The following ADAM7 variants were observed in gnomAD, a reference collection of about 807,000 sequenced individuals.
The protein encoded by ADAM7 is ADAM metallopeptidase domain 7.
Under a neutral mutation model 102.9 loss-of-function variants are expected in ADAM7, and 97 were observed. The observed-to-expected ratio is 0.94, with a 90% CI of 0.80 to 1.12. ADAM7 has a LOEUF of 1.12. Among genes scored for constraint, ADAM7 ranks in the 50% most tolerant of loss-of-function variants. The pLI is 0.00. For missense variants in ADAM7, 991 were observed against 908.7 expected (o/e 1.09, Z -1.16); for synonymous variants, 334 against 304.4 (o/e 1.10, Z -1.01).
intron 13 of ADAM7, among the ~76,000 whole-genome samples, chr8:24,491,465 T>C (rs1820350715): frequency 6.6e-6 from 1 of 152,204 alleles, no homozygotes; most frequent in Non-Finnish European, 1.5e-5. Flanking sequence ...CAGTTCCCTC[T>C]AGCAGTGAAA....
At chr8:24,471,209 C>A (rs746694073) in intron 7 of ADAM7, among the ~76,000 whole-genome samples, 1 of 151,804 alleles carries the variant, frequency 6.6e-6, no homozygotes, top group Non-Finnish European at 1.5e-5. Context: ...CTAAAAAAAT[C>A]AAAAGTTTAA....
At chr8:24,466,764 G>T in intron 5 of ADAM7, 35 bp from the exon 6 acceptor site, 1 of 1,578,558 alleles carries the variant, frequency 6.3e-7, no homozygotes, top group Non-Finnish European at 8.7e-7. Flanking sequence ...GTAATTATAG[G>T]CCTTGAATAC....
intron 21 of ADAM7, 133 bp downstream of exon 21, chr8:24,507,668 AT>A (rs11307556): frequency 0.51 from 273,235 of 538,956 alleles, 34,751 homozygotes; most frequent in African/African-American, 0.64. Flanking sequence ...GAAGGTTAGA[AT>A]TTTTTTTTTT....
At chr8:24,457,871 T>A (rs73223143) in intron 3 of ADAM7, among the ~76,000 whole-genome samples, 1 of 139,016 alleles carries the variant, frequency 7.2e-6, no homozygotes, top group Non-Finnish European at 1.6e-5. Flanking sequence ...TGAGTGTGTG[T>A]GTGTGTGTGT....
chr8:24,493,761 A>G (rs187373730), intron 16 of ADAM7, among the ~76,000 whole-genome samples: 22 of 152,346 alleles, frequency 1.4e-4, no homozygotes, highest in Admixed American at 1.3e-3. Context: ...ATCTTAAATG[A>G]GTAACATTTC....
At position 24,507,491 on chromosome 8, in the gene ADAM7, T is replaced by C. The variant is rs1204262577; in HGVS notation, c.2220T>C (p.Ser740=). 2 of 1,612,476 alleles carry C rather than the reference T, an allele frequency of 1.2e-6. No individual in the cohort carries two copies. The highest frequency in any genetic ancestry group is 1.7e-5 in the Admixed American group (1 of 59,918). Reference sequence around the variant, plus strand: ...TTTATTTATTATAGAAACCTGCAAGTAAAGATTCAAGAGGAATCGCAGATC... The same window carrying C: ...TTTATTTATTATAGAAACCTGCAAGCAAAGATTCAAGAGGAATCGCAGATC... ...PEIHFLNKPA[S]KDSRGIADPN... Residue 740 remains serine (S), a synonymous_variant, in exon 21 of 22, where the codon AGT becomes AGC. Transcript: ENST00000175238.
intron 20 of ADAM7, among the ~76,000 whole-genome samples, chr8:24,503,658 A>C (rs900641246): frequency 7.9e-5 from 12 of 152,206 alleles, no homozygotes; most frequent in Non-Finnish European, 1.8e-4. Flanking sequence ...TGGATAAAGA[A>C]AATGTGGCAT....
chr8:24,448,657 T>TTTATTATTATTA lies in ADAM7; in HGVS notation c.233+1412_233+1423dup, dbSNP rs35847061. Among the ~76,000 whole-genome samples the TTTATTATTATTA allele has an allele frequency of 2.2e-4, 32 of 148,784 alleles. 1 individual carries two copies. The highest frequency in any genetic ancestry group is 1.2e-3 in the Admixed American group (18 of 14,904). On this transcript the variant is annotated intron_variant, in intron 3 of 21. Coordinates refer to ENST00000175238, the MANE Select transcript of ADAM7 (RefSeq NM_003817.4). ...TCCCCTCTAAGTTTCATTCAGCTTG[T>TTTATTATTATTA]TTATTATTATTATTATTATTATTAT...
chr8:24,452,706 G>T (rs1585857244), intron 3 of ADAM7, among the ~76,000 whole-genome samples: 3 of 151,314 alleles, frequency 2.0e-5, no homozygotes, highest in Non-Finnish European at 2.9e-5. Flanking sequence ...ATGTTAGCTG[G>T]TTATTTTGCT....
intron 13 of ADAM7, 130 bp downstream of exon 13, chr8:24,491,018 C>A (rs1820329866): frequency 1.2e-6 from 1 of 849,270 alleles, no homozygotes. Flanking sequence ...AAGTACCCAA[C>A]AGAGATTCTT....
In ADAM7 at chr8:24,444,679, C is replaced by T. The variant is rs547353192; in HGVS notation, c.156+2103C>T. 2.1e-4 allele frequency among the ~76,000 whole-genome samples: 32 copies of T among 150,438 alleles called. No homozygotes were observed. In the East Asian group the frequency reaches 3.5e-3, roughly 16 times the overall value. On this transcript the variant is annotated intron_variant, in intron 2 of 21. Coordinates refer to ENST00000175238, the MANE Select transcript of ADAM7 (RefSeq NM_003817.4). ...AGATACTCCCCATAAAGGTCCAGAT[C>T]GTAAAAAAAAAAACACAAAAAAACG...
At chr8:24,474,631 C>G (rs1819709957) in intron 7 of ADAM7, among the ~76,000 whole-genome samples, 1 of 152,052 alleles carries the variant, frequency 6.6e-6, no homozygotes, top group Admixed American at 6.6e-5. Flanking sequence ...TGGCTCACAC[C>G]TGTAAACCCA....
intron 16 of ADAM7, among the ~76,000 whole-genome samples, chr8:24,497,342 T>C (rs114198438): frequency 0.021 from 3,126 of 152,274 alleles, 119 homozygotes; most frequent in African/African-American, 0.072. Flanking sequence ...TCCTCCTTTA[T>C]CAAGAAAAAT....
intron 3 of ADAM7, among the ~76,000 whole-genome samples, chr8:24,452,348 T>C (rs1321405987): frequency 6.7e-6 from 1 of 148,828 alleles, no homozygotes; most frequent in East Asian, 1.9e-4. Flanking sequence ...ATTGGGTGCA[T>C]ATATATTTAG....
At chr8:24,499,164 G>T in intron 16 of ADAM7, 72 bp from the exon 17 acceptor site, 6 of 1,166,958 alleles carry the variant, frequency 5.1e-6, no homozygotes, top group Non-Finnish European at 7.2e-6. Flanking sequence ...CACTTCACAT[G>T]CATTACATGA....
At chr8:24,492,959 G>C in intron 15 of ADAM7, 84 bp from the exon 16 acceptor site, 1 of 1,355,492 alleles carries the variant, frequency 7.4e-7, no homozygotes, top group Non-Finnish European at 9.8e-7. Flanking sequence ...TCTAGAAAAA[G>C]AGTGACCGGG....
In ADAM7 at chr8:24,485,321, G is replaced by T. The variant is rs1820103792; in HGVS notation, c.920G>T (p.Gly307Val). 3 of 1,613,568 alleles carry T rather than the reference G, an allele frequency of 1.9e-6. No homozygotes were observed. Among genetic ancestry groups the T allele is most frequent in the Non-Finnish European group, 2.5e-6 (3 of 1,179,742 alleles). ...CATGTGCAAGGAATTTCTTATCCAG[G>T]GGGTATGTGCCTGCCCTATTATTCC... ...YSHVQGISYP[G>V]GMCLPYYSTS... Residue 307 changes from glycine to valine, a missense_variant, in exon 10 of 22, where the codon GGG (glycine) becomes GTG (valine). Gly to Val is a moderately radical substitution (Grantham distance 109). Coordinates refer to ENST00000175238, the MANE Select transcript of ADAM7 (RefSeq NM_003817.4).
intron 20 of ADAM7, among the ~76,000 whole-genome samples, chr8:24,503,795 A>C (rs1033826607): frequency 2.6e-5 from 4 of 152,078 alleles, no homozygotes; most frequent in African/African-American, 9.7e-5. Flanking sequence ...CAAACACCGC[A>C]TGTTCTCACT....
In ADAM7 at chr8:24,501,463, T is replaced by C; in HGVS notation, c.2109-14T>C. ...ATATCTAATAAATTAGTTGTTCAATTTCCTTCTTGACAGCCCACCTACAGA... is the reference window on the plus strand; with the variant it reads ...ATATCTAATAAATTAGTTGTTCAATCTCCTTCTTGACAGCCCACCTACAGA... On this transcript the variant is annotated splice_polypyrimidine_tract_variant and intron_variant, in intron 19 of 21. Coordinates refer to ENST00000175238, the MANE Select transcript of ADAM7 (RefSeq NM_003817.4). 1.9e-6 allele frequency: 3 copies of C among 1,587,616 alleles called. No individual in the cohort carries two copies. The highest frequency in any genetic ancestry group is 8.6e-7 in the Non-Finnish European group (1 of 1,167,732).
Sources: allele counts gnomAD v4.1 joint callset (sites outside exome capture counted in the v4.1 genomes callset), GRCh38; gene constraint gnomAD v4.1.1; transcripts MANE v1.5; gene names NCBI Gene and HGNC (gene_info 2026-07-23, HGNC 2026-07-21).